RNF111: variants seen among roughly 807,000 people sequenced by gnomAD.
The protein encoded by RNF111 is E3 ubiquitin-protein ligase Arkadia.
A neutral mutation model predicts 95.1 loss-of-function variants in RNF111; 17 were observed. The ratio of observed to expected loss-of-function variants is 0.18; its 90% CI spans 0.12 to 0.27. The LOEUF (loss-of-function observed/expected upper bound fraction) is 0.27. Among genes scored for constraint, RNF111 ranks in the 10% least tolerant of loss-of-function variants. RNF111 has a pLI of 1.00. For synonymous variants in RNF111, 440 were observed against 414.8 expected, an observed-to-expected ratio of 1.06 and a Z score of -0.74; for missense variants, 1,189 against 1,210.4, an observed-to-expected ratio of 0.98 and a Z score of 0.26.
chr15:59,029,425 T>C (rs2040798714), intron 1 of RNF111, among the ~76,000 whole-genome samples: 1 of 152,230 alleles, frequency 6.6e-6, no homozygotes, highest in Non-Finnish European at 1.5e-5. Flanking sequence ...AGATAGCGCG[T>C]GATGGCTGAT....
At chr15:59,092,704 G>A in intron 13 of RNF111, 64 bp downstream of exon 13, 2 of 1,452,714 alleles carry the variant, frequency 1.4e-6, no homozygotes, top group Non-Finnish European at 1.9e-6. Flanking sequence ...TATTTGAAAA[G>A]TAAATTACAC....
At chr15:58,995,007 C>A (rs2038993355) in intron 1 of RNF111, among the ~76,000 whole-genome samples, 1 of 152,166 alleles carries the variant, frequency 6.6e-6, no homozygotes, top group African/African-American at 2.4e-5. Context: ...CCTCATAGGA[C>A]CCAGTTCAGG....
chr15:59,002,973 T>C (rs1436687845), intron 1 of RNF111, among the ~76,000 whole-genome samples: 1 of 152,194 alleles, frequency 6.6e-6, no homozygotes. Flanking sequence ...CCTTTACATT[T>C]GTTTTGTTTT....
chr15:59,008,387 T>C (rs937225097), intron 1 of RNF111, among the ~76,000 whole-genome samples: 3 of 151,918 alleles, frequency 2.0e-5, no homozygotes, highest in South Asian at 4.2e-4. Flanking sequence ...CTGACTAGTT[T>C]TAAAATTTTT....
chr15:58,990,982 T>C (rs1217398958), intron 1 of RNF111, among the ~76,000 whole-genome samples: 8 of 152,064 alleles, frequency 5.3e-5, no homozygotes, highest in Admixed American at 3.9e-4. Flanking sequence ...GAGGAGTGAA[T>C]TACAAATATT....
At chr15:59,063,713 G>A (rs1037986446) in intron 5 of RNF111, among the ~76,000 whole-genome samples, 13 of 152,242 alleles carry the variant, frequency 8.5e-5, no homozygotes, top group Middle Eastern at 6.8e-3. Flanking sequence ...CAAAATGCTC[G>A]AAGGCAAAAG....
intron 5 of RNF111, among the ~76,000 whole-genome samples, chr15:59,060,626 C>A (rs937656730): frequency 2.6e-5 from 4 of 151,962 alleles, no homozygotes; most frequent in Non-Finnish European, 5.9e-5. Flanking sequence ...CAGAGTAAGA[C>A]CCTGTTTTAA....
Position 59,089,765 on chromosome 15 carries a change from T to C in RNF111, c.2643+6T>C, listed in dbSNP as rs1352630745. 1 of 1,570,324 alleles carries C rather than the reference T, an allele frequency of 6.4e-7. No individual in the cohort carries two copies. Among genetic ancestry groups the C allele is most frequent in the Non-Finnish European group, 8.8e-7 (1 of 1,140,468 alleles). On this transcript the variant is annotated splice_donor_region_variant and intron_variant, in intron 11 of 13. Coordinates refer to ENST00000348370, the MANE Select transcript of RNF111 (RefSeq NM_017610.8). Reference sequence around the variant, plus strand: ...CTTTCAGGGGCAATTTTGAGGTATGTAATAAAATAAATGAATATGTTTGTC... The same window carrying C: ...CTTTCAGGGGCAATTTTGAGGTATGCAATAAAATAAATGAATATGTTTGTC...
At chr15:59,009,861 C>T (rs1376883640) in intron 1 of RNF111, among the ~76,000 whole-genome samples, 1 of 152,028 alleles carries the variant, frequency 6.6e-6, no homozygotes, top group Admixed American at 6.6e-5. Flanking sequence ...GAGGCTGAGG[C>T]GGGAGGATCA....
chr15:59,029,999 C>G (rs1396243788), intron 1 of RNF111, among the ~76,000 whole-genome samples: 2 of 152,152 alleles, frequency 1.3e-5, no homozygotes, highest in African/African-American at 2.4e-5. Flanking sequence ...ATGATATTTA[C>G]TATTACATTA....
At chr15:59,053,872 T>C (rs566262018) in intron 3 of RNF111, among the ~76,000 whole-genome samples, 1 of 117,718 alleles carries the variant, frequency 8.5e-6, no homozygotes, top group Non-Finnish European at 1.7e-5. Flanking sequence ...ATATCTCTTA[T>C]TGTTATTAAG....
At chr15:59,065,472 G>A (rs569361444) in intron 5 of RNF111, among the ~76,000 whole-genome samples, 64 of 152,170 alleles carry the variant, frequency 4.2e-4, no homozygotes, top group South Asian at 2.9e-3. Flanking sequence ...TAACAACCAT[G>A]CAAGGCAATT....
chr15:58,995,869 G>A (rs893121987), intron 1 of RNF111, among the ~76,000 whole-genome samples: 3 of 148,310 alleles, frequency 2.0e-5, no homozygotes, highest in East Asian at 2.0e-4. Flanking sequence ...GGAATGAGCC[G>A]TTTTCCATGG....
At chr15:59,085,488 C>T (rs1444342301) in intron 9 of RNF111, 171 bp from the exon 10 acceptor site, 1 of 476,972 alleles carries the variant, frequency 2.1e-6, no homozygotes, top group African/African-American at 2.0e-5. Context: ...GCTTTCAGTT[C>T]TAAAATAAAT....
At chr15:59,043,541 C>T (rs1182269689) in intron 2 of RNF111, among the ~76,000 whole-genome samples, 4 of 152,094 alleles carry the variant, frequency 2.6e-5, no homozygotes, top group Admixed American at 6.6e-5. Context: ...AGATGAGATA[C>T]GACATCTATA....
chr15:59,004,144 T>C, intron 1 of RNF111: 3 of 1,216,324 alleles, frequency 2.5e-6, no homozygotes, highest in Non-Finnish European at 3.1e-6. Context: ...TTTTCCCTCA[T>C]AGATGGCAGT....
chr15:58,998,159 T>C (rs1331209314), intron 1 of RNF111, among the ~76,000 whole-genome samples: 1 of 152,008 alleles, frequency 6.6e-6, no homozygotes, highest in Non-Finnish European at 1.5e-5. Flanking sequence ...AGCCTCGGCC[T>C]CCCAAAGTGC....
intron 2 of RNF111, among the ~76,000 whole-genome samples, chr15:59,039,790 C>T (rs1301425562): frequency 6.6e-5 from 10 of 151,638 alleles, no homozygotes; most frequent in African/African-American, 2.4e-4. Context: ...GATATTGGCT[C>T]AGTACAACCT....
At chr15:59,071,400 A>C (rs1423501563) in intron 6 of RNF111, among the ~76,000 whole-genome samples, 2 of 151,964 alleles carry the variant, frequency 1.3e-5, no homozygotes, top group Non-Finnish European at 2.9e-5. Flanking sequence ...TGCTTTTGGA[A>C]GGCAGTGCAT....
Sources: allele counts gnomAD v4.1 joint callset (sites outside exome capture counted in the v4.1 genomes callset), GRCh38; gene constraint gnomAD v4.1.1; transcripts MANE v1.5; gene names NCBI Gene and HGNC (gene_info 2026-07-23, HGNC 2026-07-21).